The following DLG2 variants were observed in gnomAD, a reference collection of about 807,000 sequenced individuals.
DLG2 encodes disks large homolog 2.
A neutral mutation model predicts 132.5 loss-of-function variants in DLG2; 45 were observed. The ratio of observed to expected loss-of-function variants is 0.34; its 90% CI spans 0.27 to 0.44. The LOEUF (loss-of-function observed/expected upper bound fraction) is 0.44. DLG2 is among the 20% of genes least tolerant of loss of function. DLG2 has a pLI of 1.00. For synonymous variants in DLG2, 424 were observed against 419.6 expected, an observed-to-expected ratio of 1.01 and a Z score of -0.13; for missense variants, 1,045 against 1,196.9, an observed-to-expected ratio of 0.87 and a Z score of 1.87.
chr11:83,873,577 TCCA>T (rs1327534376), intron 16 of DLG2, among the ~76,000 whole-genome samples: 1 of 152,204 alleles, frequency 6.6e-6, no homozygotes, highest in East Asian at 1.9e-4. Context: ...GAAATGCAAC[TCCA>T]CTAAACCTCT....
intron 6 of DLG2, among the ~76,000 whole-genome samples, chr11:84,839,964 G>A (rs2080388189): frequency 1.3e-5 from 2 of 152,150 alleles, no homozygotes; most frequent in South Asian, 4.2e-4. Context: ...CAAAAGCAAT[G>A]GCAACAAAAG....
intron 6 of DLG2, among the ~76,000 whole-genome samples, chr11:84,557,384 A>G (rs1308945381): frequency 1.3e-5 from 2 of 152,178 alleles, no homozygotes; most frequent in African/African-American, 4.8e-5. Context: ...TCCCACAATG[A>G]CAAAAGCAAA....
intron 15 of DLG2, among the ~76,000 whole-genome samples, chr11:83,903,774 C>A (rs2074060169): frequency 6.6e-6 from 1 of 152,096 alleles, no homozygotes; most frequent in Admixed American, 6.6e-5. Context: ...ACTAAACCTC[C>A]TGTCATTCAA....
intron 7 of DLG2, among the ~76,000 whole-genome samples, chr11:84,433,395 T>A (rs1357068171): frequency 6.6e-6 from 1 of 152,160 alleles, no homozygotes; most frequent in African/African-American, 2.4e-5. Flanking sequence ...GGAGATTGTC[T>A]AATTAAGAGA....
At chr11:84,889,789 T>C (rs1413924665) in intron 6 of DLG2, among the ~76,000 whole-genome samples, 1 of 152,206 alleles carries the variant, frequency 6.6e-6, no homozygotes, top group African/African-American at 2.4e-5. Flanking sequence ...CGCAATGGCA[T>C]GTACATCTAT....
intron 21 of DLG2, among the ~76,000 whole-genome samples, chr11:83,524,687 C>T (rs753112021): frequency 3.1e-4 from 47 of 152,168 alleles, no homozygotes; most frequent in Non-Finnish European, 5.7e-4. Context: ...AACTTCTCTG[C>T]GTTATCTCTG....
At chr11:84,224,529 A>C (rs1285377656) in intron 8 of DLG2, among the ~76,000 whole-genome samples, 1 of 152,178 alleles carries the variant, frequency 6.6e-6, no homozygotes, top group Non-Finnish European at 1.5e-5. Context: ...TAAGACATAC[A>C]CTTTGTACTA....
intron 6 of DLG2, among the ~76,000 whole-genome samples, chr11:84,945,401 C>T (rs139392593): frequency 8.5e-5 from 13 of 152,266 alleles, no homozygotes; most frequent in African/African-American, 2.6e-4. Context: ...CCCTTACTTT[C>T]CCTCAAACAA....
chr11:85,568,436 G>C (rs1276492736), intron 3 of DLG2, among the ~76,000 whole-genome samples: 2 of 152,128 alleles, frequency 1.3e-5, no homozygotes, highest in African/African-American at 4.8e-5. Flanking sequence ...GGACCTCATA[G>C]AATTAATTAG....
intron 15 of DLG2, among the ~76,000 whole-genome samples, chr11:83,883,805 A>C (rs1296610809): frequency 2.1e-5 from 2 of 96,400 alleles, no homozygotes; most frequent in African/African-American, 6.0e-5. Context: ...ACATGTATAC[A>C]AAAAAAAAAA....
chr11:84,522,872 CA>C (rs561644857), intron 7 of DLG2, among the ~76,000 whole-genome samples: 15 of 152,150 alleles, frequency 9.9e-5, no homozygotes, highest in Admixed American at 2.0e-4. Context: ...GCATATGTTC[CA>C]ATATCTTCCA....
chr11:85,283,340 T>C (rs1371919426), intron 4 of DLG2, among the ~76,000 whole-genome samples: 2 of 151,592 alleles, frequency 1.3e-5, no homozygotes, highest in Non-Finnish European at 3.0e-5. Context: ...TACAGGAGAA[T>C]ACTTAACTAG....
intron 8 of DLG2, among the ~76,000 whole-genome samples, chr11:84,196,811 C>A (rs768234698): frequency 9.2e-5 from 14 of 151,908 alleles, no homozygotes; most frequent in South Asian, 2.1e-4. Flanking sequence ...GAGGCCGAGA[C>A]GGGTGGATCA....
intron 3 of DLG2, among the ~76,000 whole-genome samples, chr11:85,323,585 A>T (rs910211685): frequency 2.0e-5 from 3 of 152,194 alleles, no homozygotes; most frequent in Non-Finnish European, 4.4e-5. Context: ...GTGCTATCAA[A>T]CACTAGAACT....
chr11:84,420,429 A>C (rs1286889720), intron 7 of DLG2, among the ~76,000 whole-genome samples: 1 of 152,070 alleles, frequency 6.6e-6, no homozygotes, highest in Non-Finnish European at 1.5e-5. Flanking sequence ...ACCACAGGTC[A>C]CTTTTACTCA....
chr11:85,136,913 T>G (rs2076174518), intron 5 of DLG2, among the ~76,000 whole-genome samples: 1 of 151,522 alleles, frequency 6.6e-6, no homozygotes, highest in Non-Finnish European at 1.5e-5. Flanking sequence ...AGTTATGCTA[T>G]TTTTTGATAG....
intron 18 of DLG2, 39 bp from the exon 19 acceptor site, chr11:83,633,364 C>G: frequency 6.4e-7 from 1 of 1,563,466 alleles, no homozygotes; most frequent in Non-Finnish European, 8.8e-7. Context: ...TTGCTCTGTG[C>G]CCTCAAGAGT....
At chr11:84,625,684 T>G (rs1366268659) in intron 6 of DLG2, among the ~76,000 whole-genome samples, 2 of 152,214 alleles carry the variant, frequency 1.3e-5, no homozygotes, top group African/African-American at 4.8e-5. Flanking sequence ...TGACAGACAC[T>G]TCCCTAAAAA....
chr11:83,758,539 C>T (rs1157593710), intron 18 of DLG2, among the ~76,000 whole-genome samples: 1 of 152,068 alleles, frequency 6.6e-6, no homozygotes, highest in Non-Finnish European at 1.5e-5. Flanking sequence ...TATGTGAAAC[C>T]CAGCACTGCT....
Sources: allele counts gnomAD v4.1 joint callset (sites outside exome capture counted in the v4.1 genomes callset), GRCh38; gene constraint gnomAD v4.1.1; transcripts MANE v1.5; gene names NCBI Gene and HGNC (gene_info 2026-07-23, HGNC 2026-07-21).